The following GMEB2 variants were observed in gnomAD, a reference collection of about 807,000 sequenced individuals.
GMEB2 encodes the protein glucocorticoid modulatory element-binding protein 2.
In GMEB2, 7 loss-of-function variants were observed where a neutral mutation model predicts 45.7. The observed-to-expected ratio is 0.15, with a 90% CI of 0.09 to 0.29. The LOEUF (loss-of-function observed/expected upper bound fraction) is 0.29. Ranked by LOEUF, GMEB2 falls within the 10% of genes least tolerant of loss-of-function variation. GMEB2 has a pLI of 1.00. For missense variants in GMEB2, 582 were observed against 739.2 expected, an observed-to-expected ratio of 0.79 and a Z score of 2.47; for synonymous variants, 322 against 323.6, an observed-to-expected ratio of 1.00 and a Z score of 0.05.
rs374725653 is a variant in GMEB2, at chr20:63,593,091, G to A, written c.620-9C>T. On this transcript the variant is annotated splice_polypyrimidine_tract_variant and intron_variant, in intron 6 of 9. Coordinates refer to ENST00000370077, the MANE Select transcript of GMEB2 (RefSeq NM_012384.5). The surrounding 1 kb of genome is among the most constrained non-coding windows in gnomAD (Gnocchi z 4.7). Reference sequence around the variant, plus strand: ...CGCAGGAGACCCATTCACTGCAGCCGAAAGGGAACCTCGGGTGAGTGCTGT... The same window carrying A: ...CGCAGGAGACCCATTCACTGCAGCCAAAAGGGAACCTCGGGTGAGTGCTGT... 43 of 1,594,726 alleles carry A rather than the reference G, an allele frequency of 2.7e-5. No individual in the cohort carries two copies. The highest frequency in any genetic ancestry group is 9.4e-5 in the African/African-American group (7 of 74,724).
chr20:63,623,519 C>G (rs2146097178), intron 1 of GMEB2, among the ~76,000 whole-genome samples: 1 of 152,262 alleles, frequency 6.6e-6, no homozygotes, highest in East Asian at 1.9e-4. Flanking sequence ...CCACTTTAGG[C>G]CGGGCGCGGT....
chr20:63,590,518 C>G lies in GMEB2; in HGVS notation c.1164G>C (p.Val388=). The change falls in exon 10 of 10, where the codon GTG becomes GTC. Residue 388 remains valine (V), a synonymous_variant. Coordinates refer to ENST00000370077, the MANE Select transcript of GMEB2 (RefSeq NM_012384.5). The part of the protein sequence containing the change: ...QSAQLALGPG[V]PVPQLTSVPL... Reference sequence around the variant, plus strand: ...GCACGCTGGTCAGCTGGGGGACGGGCACGCCCGGGCCAAGCGCCAGCTGGG... The same window carrying G: ...GCACGCTGGTCAGCTGGGGGACGGGGACGCCCGGGCCAAGCGCCAGCTGGG... The G allele has an allele frequency of 1.3e-6, 2 of 1,510,542 alleles. No individual in the cohort carries two copies. Among genetic ancestry groups the G allele is most frequent in the Non-Finnish European group, 1.8e-6 (2 of 1,125,346 alleles). 93.6% of individuals were successfully genotyped at this position (1,510,542 alleles called of 1,614,324 possible). A position where few individuals can be genotyped will look rare whatever the true frequency, so the allele number is the denominator to read the frequency against.
chr20:63,606,090 T>C (rs114131049), intron 2 of GMEB2, among the ~76,000 whole-genome samples: 2,529 of 152,230 alleles, frequency 0.017, 69 homozygotes, highest in African/African-American at 0.056. Context: ...CATATGGCTA[T>C]AGAAACTATC....
chr20:63,603,505 C>T (rs6090470), intron 3 of GMEB2, among the ~76,000 whole-genome samples: 1 of 150,746 alleles, frequency 6.6e-6, no homozygotes, highest in African/African-American at 2.4e-5. Flanking sequence ...CCGAGGCAGG[C>T]GGATCACGAA....
At chr20:63,594,798 G>C (rs2146049545) in intron 6 of GMEB2, among the ~76,000 whole-genome samples, 1 of 152,156 alleles carries the variant, frequency 6.6e-6, no homozygotes, top group South Asian at 2.1e-4. Context: ...GCCCAGGCTG[G>C]AGGGCAGTGG....
intron 5 of GMEB2, among the ~76,000 whole-genome samples, chr20:63,596,216 A>C (rs1040202051): frequency 6.6e-6 from 1 of 152,250 alleles, no homozygotes; most frequent in Non-Finnish European, 1.5e-5. Context: ...AGGCACAGAG[A>C]CAGCCAAGAA....
At chr20:63,595,875 A>G (rs1280019324) in intron 5 of GMEB2, 108 bp from the exon 6 acceptor site, 8 of 924,652 alleles carry the variant, frequency 8.7e-6, no homozygotes, top group Non-Finnish European at 1.4e-5. Context: ...GGCCTAGCAG[A>G]GGCGCTGGCA....
intron 6 of GMEB2, among the ~76,000 whole-genome samples, chr20:63,594,787 C>T (rs1485172998): frequency 2.0e-5 from 3 of 152,320 alleles, no homozygotes; most frequent in South Asian, 2.1e-4. Flanking sequence ...CTCACACTGT[C>T]GCCCAGGCTG....
chr20:63,602,826 A>T, intron 4 of GMEB2, 139 bp downstream of exon 4: 1 of 721,068 alleles, frequency 1.4e-6, no homozygotes, highest in Non-Finnish European at 2.3e-6. Context: ...CTCTTCCTGA[A>T]GGTTCTTCCC....
intron 2 of GMEB2, among the ~76,000 whole-genome samples, chr20:63,605,903 C>G (rs2089515374): frequency 1.3e-5 from 2 of 151,374 alleles, no homozygotes; most frequent in Admixed American, 1.3e-4. Context: ...TGCAGTGAGC[C>G]GAGATTGTAC....
intron 2 of GMEB2, among the ~76,000 whole-genome samples, chr20:63,605,982 A>C (rs560587275): frequency 6.6e-6 from 1 of 152,256 alleles, no homozygotes; most frequent in African/African-American, 2.4e-5. Flanking sequence ...CAGCAGGTGA[A>C]ACCAGCAGGA....
chr20:63,597,684 C>A, intron 5 of GMEB2, 73 bp downstream of exon 5: 1 of 890,340 alleles, frequency 1.1e-6, no homozygotes, highest in East Asian at 2.4e-5. Flanking sequence ...TTCAAAATCC[C>A]AAAACCCCAC....
rs1183897221 is a variant in GMEB2 at position 63,595,765 on chromosome 20, T to C, written c.464A>G (p.Lys155Arg). Reference sequence around the variant, plus strand: ...GTCCAGTTCCCCGGAGTCCATGATCTTCCTGTGACAGACAGTGGCATGGAG... The same window carrying C: ...GTCCAGTTCCCCGGAGTCCATGATCCTCCTGTGACAGACAGTGGCATGGAG... ...AIRMNGIMLRKIMDSGELDFY... is the reference protein window; with the variant it reads ...AIRMNGIMLRRIMDSGELDFY... Residue 155 changes from lysine (K) to arginine (R), a missense_variant and splice_region_variant, in exon 6 of 10, where the codon AAG becomes AGG. By Grantham distance (26) the Lys-to-Arg change is conservative. This residue lies in a region of GMEB2 where 462 missense variants were observed against 586.7 expected (regional missense o/e 0.79). Coordinates refer to ENST00000370077, the MANE Select transcript of GMEB2 (RefSeq NM_012384.5). The C allele has an allele frequency of 1.9e-6, 3 of 1,613,824 alleles. No individual in the cohort carries two copies. The African/African-American group carries it at 4.0e-5, about 22-fold the overall frequency.
At chr20:63,621,726 T>C (rs983347966) in intron 1 of GMEB2, among the ~76,000 whole-genome samples, 2 of 149,518 alleles carry the variant, frequency 1.3e-5, no homozygotes, top group Non-Finnish European at 3.0e-5. Context: ...TTATGTTATG[T>C]ATATTTTACC....
chr20:63,604,785 C>T lies in GMEB2; in HGVS notation c.187G>A (p.Ala63Thr), dbSNP rs777285269. ...ETENAAAAAA[A>T]AFTASSQLKE... The stretch of plus-strand genomic sequence containing the variant: ...AGCTGGGAGGAGGCTGTGAAGGCCG[C>T]GGCAGCTGCTGCCGCTGCATTTTCT... Residue 63 changes from alanine to threonine, a missense_variant, in exon 3 of 10, where the codon GCG becomes ACG. Physicochemically the swap from Ala to Thr is moderately conservative, Grantham distance 58. Transcript: ENST00000370077. 10 of 1,612,100 alleles carry T rather than the reference C, an allele frequency of 6.2e-6. No homozygotes were observed. The highest frequency in any genetic ancestry group is 1.1e-5 in the South Asian group (1 of 91,068).
At chr20:63,617,724 G>C (rs532249121) in intron 2 of GMEB2, among the ~76,000 whole-genome samples, 29 of 126,730 alleles carry the variant, frequency 2.3e-4, no homozygotes, top group Admixed American at 9.7e-4. Context: ...ACGGTGTCAC[G>C]GCTCGGATGA....
rs2083154630 is a variant in GMEB2, at chr20:63,592,383, T to C, written c.829+150A>G. On this transcript the variant is annotated intron_variant, in intron 8 of 9. Transcript: ENST00000370077. The surrounding 1 kb of genome is among the most constrained non-coding windows in gnomAD (Gnocchi z 8.2). ...CATCAAGGCGATCCTCCCACCAAGT[T>C]CAGCCTCAGCACAGCAGGAGTCCCA... 1 of 658,362 alleles carries C rather than the reference T, an allele frequency of 1.5e-6. No individual in the cohort carries two copies. The highest frequency in any genetic ancestry group is 1.9e-5 in the South Asian group (1 of 52,150). The allele number at this position is 658,362 out of a possible 1,614,324, so 40.8% of individuals were successfully genotyped here. A position where few individuals can be genotyped will look rare whatever the true frequency, so the allele number is the denominator to read the frequency against.
chr20:63,607,811 A>AC (rs1210749829), intron 2 of GMEB2, among the ~76,000 whole-genome samples: 10 of 14,258 alleles, frequency 7.0e-4, no homozygotes, highest in Non-Finnish European at 1.9e-3. Flanking sequence ...TGCCCCTCTG[A>AC]CCCACACCTC....
At chr20:63,612,911 C>T (rs773720142) in intron 2 of GMEB2, among the ~76,000 whole-genome samples, 57 of 152,168 alleles carry the variant, frequency 3.7e-4, no homozygotes, top group Non-Finnish European at 7.2e-4. Flanking sequence ...AAAATAATAA[C>T]AACTATGTCT....
Sources: allele counts gnomAD v4.1 joint callset (sites outside exome capture counted in the v4.1 genomes callset), GRCh38; gene constraint gnomAD v4.1.1; regional missense constraint gnomAD v4.1.1; non-coding constraint Gnocchi (gnomAD v3.1); transcripts MANE v1.5; gene names NCBI Gene and HGNC (gene_info 2026-07-23, HGNC 2026-07-21).